Variants in LRMDA observed in about 807,000 individuals in gnomAD.
LRMDA encodes leucine rich melanocyte differentiation associated, also known as leucine-rich melanocyte differentiation-associated protein.
Under a neutral mutation model 29.8 loss-of-function variants are expected in LRMDA, and 18 were observed. That is an observed-to-expected ratio of 0.60 (90% CI 0.42 to 0.90). The LOEUF (loss-of-function observed/expected upper bound fraction) is 0.90. LRMDA is among the 40% of genes least tolerant of loss of function. LRMDA has a pLI of 0.00. For missense variants in LRMDA, 273 were observed against 273.9 expected, an observed-to-expected ratio of 1.00 and a Z score of 0.02; for synonymous variants, 125 against 109.4, an observed-to-expected ratio of 1.14 and a Z score of -0.89.
intron 2 of LRMDA, among the ~76,000 whole-genome samples, chr10:75,940,608 A>G (rs955667236): frequency 6.6e-6 from 1 of 152,096 alleles, no homozygotes; most frequent in Non-Finnish European, 1.5e-5. Context: ...TTTGCGTCCC[A>G]TCTCATCGCC....
intron 6 of LRMDA, among the ~76,000 whole-genome samples, chr10:76,513,394 C>A (rs1206986505): frequency 1.3e-5 from 2 of 152,036 alleles, no homozygotes; most frequent in African/African-American, 4.8e-5. Flanking sequence ...TAGTTTCCCC[C>A]ACCACTCACT....
At chr10:76,408,077 A>G (rs1841921164) in intron 6 of LRMDA, among the ~76,000 whole-genome samples, 1 of 152,230 alleles carries the variant, frequency 6.6e-6, no homozygotes, top group Non-Finnish European at 1.5e-5. Flanking sequence ...ACTGCTTTTT[A>G]TTATATTCAG....
chr10:75,532,730 C>CA (rs1845492681), intron 2 of LRMDA, among the ~76,000 whole-genome samples: 1 of 152,144 alleles, frequency 6.6e-6, no homozygotes, highest in Admixed American at 6.5e-5. Flanking sequence ...CAACCTGCAT[C>CA]ACTCAGATCC....
intron 2 of LRMDA, among the ~76,000 whole-genome samples, chr10:75,894,431 T>A (rs1264167951): frequency 6.6e-6 from 1 of 152,254 alleles, no homozygotes; most frequent in Non-Finnish European, 1.5e-5. Flanking sequence ...TTGTTGATTG[T>A]TGGGCATTTA....
chr10:75,478,288 C>T (rs999319372), intron 2 of LRMDA, among the ~76,000 whole-genome samples: 6 of 152,214 alleles, frequency 3.9e-5, no homozygotes, highest in African/African-American at 1.4e-4. Flanking sequence ...GGAAACCTAA[C>T]CTCAGGCAAA....
intron 2 of LRMDA, among the ~76,000 whole-genome samples, chr10:75,641,226 A>C (rs1156787740): frequency 1.3e-5 from 2 of 152,132 alleles, no homozygotes; most frequent in Non-Finnish European, 2.9e-5. Context: ...GGGAGGTTAA[A>C]AAGAGAATAA....
chr10:76,296,117 G>A (rs556494796), intron 5 of LRMDA, among the ~76,000 whole-genome samples: 1 of 152,288 alleles, frequency 6.6e-6, no homozygotes, highest in African/African-American at 2.4e-5. Context: ...GAAAAGAATT[G>A]TGCCCTGACT....
intron 1 of LRMDA, 42 bp downstream of exon 1, chr10:75,431,796 G>C: frequency 7.5e-7 from 1 of 1,324,706 alleles, no homozygotes; most frequent in Non-Finnish European, 9.7e-7. Context: ...GGCGCAGTCC[G>C]CGTGGGGAGG....
chr10:76,219,250 A>G (rs1263064870), intron 5 of LRMDA, among the ~76,000 whole-genome samples: 1 of 152,202 alleles, frequency 6.6e-6, no homozygotes, highest in Admixed American at 6.5e-5. Context: ...ACAGGATAAA[A>G]TTCACACATA....
chr10:75,589,924 T>TG (rs1214560912), intron 2 of LRMDA, among the ~76,000 whole-genome samples: 1 of 152,122 alleles, frequency 6.6e-6, no homozygotes, highest in Non-Finnish European at 1.5e-5. Context: ...TTCACATTTT[T>TG]GGGTTCACAT....
intron 2 of LRMDA, among the ~76,000 whole-genome samples, chr10:75,945,766 A>T (rs1335333111): frequency 6.6e-6 from 1 of 152,164 alleles, no homozygotes; most frequent in African/African-American, 2.4e-5. Flanking sequence ...ATTGATATTT[A>T]AAACACCTTG....
chr10:76,352,515 A>G (rs1841190103), intron 6 of LRMDA, among the ~76,000 whole-genome samples: 1 of 152,076 alleles, frequency 6.6e-6, no homozygotes, highest in Non-Finnish European at 1.5e-5. Context: ...GATGACTCAC[A>G]TCCTGGGCAG....
intron 2 of LRMDA, among the ~76,000 whole-genome samples, chr10:75,853,235 T>A (rs894996312): frequency 6.6e-6 from 1 of 152,194 alleles, no homozygotes. Flanking sequence ...TCATTCTTAC[T>A]TTTCTCATTT....
chr10:75,682,634 G>GT (rs1347330254), intron 2 of LRMDA, among the ~76,000 whole-genome samples: 6 of 152,164 alleles, frequency 3.9e-5, no homozygotes, highest in African/African-American at 1.4e-4. Context: ...GCAAAGCTAG[G>GT]TTTTCCAAAG....
chr10:76,187,247 A>G (rs1238761989), intron 5 of LRMDA, among the ~76,000 whole-genome samples: 1 of 152,208 alleles, frequency 6.6e-6, no homozygotes, highest in East Asian at 1.9e-4. Context: ...TTGTTCTAAG[A>G]AAATCATTGT....
At chr10:76,460,978 T>C (rs991235617) in intron 6 of LRMDA, among the ~76,000 whole-genome samples, 2 of 152,188 alleles carry the variant, frequency 1.3e-5, no homozygotes, top group Non-Finnish European at 2.9e-5. Flanking sequence ...CTACTTAACA[T>C]TTTCAAGTCC....
intron 5 of LRMDA, among the ~76,000 whole-genome samples, chr10:76,122,253 A>C (rs1849802669): frequency 6.6e-6 from 1 of 151,934 alleles, no homozygotes; most frequent in Non-Finnish European, 1.5e-5. Context: ...GATCACCTTA[A>C]GTCTCAGAAT....
chr10:76,251,923 G>A (rs1322425), intron 5 of LRMDA, among the ~76,000 whole-genome samples: 10,161 of 152,156 alleles, frequency 0.067, 1,098 homozygotes, highest in African/African-American at 0.23. Context: ...TGGTTCCCCG[G>A]CACTAGAAAT....
chr10:76,192,466 G>A (rs1464204710), intron 5 of LRMDA, among the ~76,000 whole-genome samples: 2 of 152,170 alleles, frequency 1.3e-5, no homozygotes, highest in Non-Finnish European at 2.9e-5. Context: ...TCTTGAGTTT[G>A]AGTAATTTTA....
Sources: gnomAD v4.1 joint callset for allele counts (sites outside exome capture counted in the v4.1 genomes callset) on GRCh38, gnomAD v4.1.1 for gene constraint, MANE v1.5 for transcripts, NCBI Gene and HGNC (gene_info 2026-07-23, HGNC 2026-07-21) for gene names.